MCAT: variants seen among roughly 807,000 people sequenced by gnomAD.
The protein encoded by MCAT is malonyl-CoA-acyl carrier protein transacylase.
A neutral mutation model predicts 22.9 loss-of-function variants in MCAT; 22 were observed. The observed-to-expected ratio is 0.96, with a 90% CI of 0.69 to 1.37. MCAT has a LOEUF of 1.37. Among genes scored for constraint, MCAT ranks in the 40% most tolerant of loss-of-function variants. The pLI is 0.00. For missense variants in MCAT, 534 were observed against 533.6 expected, an observed-to-expected ratio of 1.00 and a Z score of -0.01; for synonymous variants, 240 against 233.9, an observed-to-expected ratio of 1.03 and a Z score of -0.24.
At chr22:43,133,546 G>C in intron 3 of MCAT, 60 bp from the exon 4 acceptor site, 2 of 1,396,614 alleles carry the variant, frequency 1.4e-6, no homozygotes, top group Non-Finnish European at 1.9e-6. Flanking sequence ...TTACAGATCT[G>C]ACCATTCACA....
At chr22:43,139,278 G>A (rs1221880894) in intron 2 of MCAT, among the ~76,000 whole-genome samples, 1 of 152,128 alleles carries the variant, frequency 6.6e-6, no homozygotes. Flanking sequence ...AGTAATCCCA[G>A]CACTGTAGGA....
chr22:43,132,730 C>T lies in MCAT; in HGVS notation c.*313G>A, dbSNP rs970158915. The T allele has an allele frequency of 1.4e-5, 5 of 361,080 alleles. No individual in the cohort carries two copies. Among genetic ancestry groups the T allele is most frequent in the Admixed American group, 4.2e-5 (1 of 24,038 alleles). 22.4% of individuals were successfully genotyped at this position (361,080 alleles called of 1,614,324 possible). A position where few individuals can be genotyped will look rare whatever the true frequency, so the allele number is the denominator to read the frequency against. ...CTGCAGCAGCCAGTCCTCCCCTTCC[C>T]GCTGAGATGGCACACCTGCCTATGG... On this transcript the variant is annotated 3_prime_UTR_variant, in exon 4 of 4. Coordinates refer to ENST00000290429, the MANE Select transcript of MCAT (RefSeq NM_173467.5).
intron 2 of MCAT, chr22:43,140,840 A>G (rs888940485): frequency 1.3e-5 from 3 of 237,916 alleles, no homozygotes; most frequent in Non-Finnish European, 2.5e-5. Flanking sequence ...TCCAATATTT[A>G]TTTACTCTTT....
rs375718901 is a variant in MCAT at position 43,143,018 on chromosome 22, G to A, written c.331C>T (p.Gln111Ter). ...TGCACGGTGCGGTCCAGGGTCTCCT[G>A]CGGCCCGTGCAGGCTCAGTTCCAGC... ...DLLELSLHGPQETLDRTVHCQ... is the reference protein window; with the variant it reads ...DLLELSLHGP Residue 111 changes from glutamine (Q) to a stop codon, truncating the protein, a stop_gained, in exon 1 of 4, where the codon CAG (glutamine) becomes TAG (stop). Coordinates refer to ENST00000290429, the MANE Select transcript of MCAT (RefSeq NM_173467.5). LOFTEE classifies it high-confidence loss of function. 7 of 1,609,298 alleles carry A rather than the reference G, an allele frequency of 4.3e-6. No individual in the cohort carries two copies. The African/African-American group carries it at 9.4e-5, about 22-fold the overall frequency.
intron 1 of MCAT, 27 bp downstream of exon 1, chr22:43,142,899 C>G (rs765966545): frequency 1.3e-6 from 2 of 1,486,714 alleles, no homozygotes; most frequent in Non-Finnish European, 1.8e-6. Flanking sequence ...CACCTTCCCC[C>G]TCCTGTCACG....
chr22:43,143,309 A>G lies in MCAT; in HGVS notation c.40T>C (p.Leu14=). 2 of 1,427,820 alleles carry G rather than the reference A, an allele frequency of 1.4e-6. No homozygotes were observed. The highest frequency in any genetic ancestry group is 1.8e-6 in the Non-Finnish European group (2 of 1,103,486). 88.4% of individuals were successfully genotyped at this position (1,427,820 alleles called of 1,614,324 possible). ...RVARVAWVRG[L]GASYRRGASS... ...GCGCCGCGGCGGTAGCTGGCGCCCA[A>G]GCCCCTGACCCACGCTACCCGTGCG... Residue 14 remains leucine (L), a synonymous_variant, in exon 1 of 4, where the codon TTG becomes CTG. Coordinates refer to ENST00000290429, the MANE Select transcript of MCAT (RefSeq NM_173467.5).
At position 43,137,167 on chromosome 22, in the gene MCAT, A is replaced by C. The variant is rs1239061062; in HGVS notation, c.643T>G (p.Cys215Gly). The C allele has an allele frequency of 6.2e-7, 1 of 1,614,168 alleles. No homozygotes were observed. Among genetic ancestry groups the C allele is most frequent in the South Asian group, 1.1e-5 (1 of 91,090 alleles). ...NFACLEAREH[C>G]KSLGIENPVC... ...GGGTTCTCTATGCCTAAAGACTTGC[A>C]GTGTTCCCGGGCTTCCAAACAGGCG... Residue 215 changes from cysteine (C) to glycine (G), a missense_variant, in exon 3 of 4, where the codon TGC (cysteine) becomes GGC (glycine). By Grantham distance (159) the Cys-to-Gly change is radical. Coordinates refer to ENST00000290429, the MANE Select transcript of MCAT (RefSeq NM_173467.5).
intron 3 of MCAT, among the ~76,000 whole-genome samples, chr22:43,135,059 AGCAGTCT>A (rs1383204270): frequency 2.6e-5 from 4 of 152,380 alleles, no homozygotes; most frequent in Non-Finnish European, 5.9e-5. Flanking sequence ...CACAGGGGCC[AGCAGTCT>A]CCTCTCCAAT....
intron 3 of MCAT, 43 bp downstream of exon 3, chr22:43,137,038 C>A (rs115709505): frequency 5.8e-6 from 9 of 1,547,800 alleles, no homozygotes; most frequent in Non-Finnish European, 8.0e-6. Flanking sequence ...TCCAACCCTC[C>A]GTACTGGACT....
rs918403585 is a variant in MCAT, at chr22:43,133,015, G to C, written c.*28C>G. 3.7e-6 allele frequency: 6 copies of C among 1,601,998 alleles called. No individual in the cohort carries two copies. The highest frequency in any genetic ancestry group is 5.1e-6 in the Non-Finnish European group (6 of 1,171,600). On this transcript the variant is annotated 3_prime_UTR_variant, in exon 4 of 4. Coordinates refer to ENST00000290429, the MANE Select transcript of MCAT (RefSeq NM_173467.5). ...ACAGCCTCTCCTCAGGAGGACAGAG[G>C]GGGTCATCGCATTTGAGCCCCCTGC...
intron 3 of MCAT, among the ~76,000 whole-genome samples, chr22:43,134,621 C>G (rs1930551789): frequency 6.6e-6 from 1 of 152,186 alleles, no homozygotes; most frequent in South Asian, 2.1e-4. Flanking sequence ...GAGACTGTTC[C>G]TGTTGCCTGA....
chr22:43,135,517 A>AC (rs1244610815), intron 3 of MCAT, among the ~76,000 whole-genome samples: 3 of 150,542 alleles, frequency 2.0e-5, no homozygotes, highest in African/African-American at 7.4e-5. Flanking sequence ...AAACAAAAAA[A>AC]AAAAAAAAAA....
chr22:43,137,629 GA>G (rs1930656096), intron 2 of MCAT, among the ~76,000 whole-genome samples: 3 of 152,194 alleles, frequency 2.0e-5, no homozygotes, highest in Non-Finnish European at 4.4e-5. Flanking sequence ...GAGTGCCACT[GA>G]CGTCTAGTGG....
At chr22:43,134,504 C>T (rs9612014) in intron 3 of MCAT, among the ~76,000 whole-genome samples, 6,098 of 152,238 alleles carry the variant, frequency 0.04, 167 homozygotes, top group Non-Finnish European at 0.063. Context: ...TGTACCACCA[C>T]GCCTGGCTAA....
At chr22:43,141,649 G>A (rs1470710996) in intron 1 of MCAT, among the ~76,000 whole-genome samples, 1 of 152,022 alleles carries the variant, frequency 6.6e-6, no homozygotes, top group African/African-American at 2.4e-5. Context: ...TCGGCTCACT[G>A]CAACGTCCGC....
intron 2 of MCAT, among the ~76,000 whole-genome samples, chr22:43,140,165 G>T (rs2147036734): frequency 6.6e-6 from 1 of 152,174 alleles, no homozygotes; most frequent in African/African-American, 2.4e-5. Context: ...AACCTCTCGT[G>T]TTTCTATACT....
rs1054338540 is a variant in MCAT at position 43,136,994 on chromosome 22, G to A, written c.729+87C>T. 53 of 1,179,344 alleles carry A rather than the reference G, an allele frequency of 4.5e-5. No homozygotes were observed. The African/African-American group carries it at 5.4e-4, about 12-fold the overall frequency. The allele number at this position is 1,179,344 out of a possible 1,614,324, so 73.1% of individuals were successfully genotyped here. ...AAAGACCGGGCTGGACCCAGCACCC[G>A]CCAGACTGCTAGGCCTCACGGGTGT... On this transcript the variant is annotated intron_variant, in intron 3 of 3. Coordinates refer to ENST00000290429, the MANE Select transcript of MCAT (RefSeq NM_173467.5).
At position 43,133,100 on chromosome 22, in the gene MCAT, C is replaced by A. The variant is rs758053729; in HGVS notation, c.1116G>T (p.Val372=). The change falls in exon 4 of 4, where the codon GTG becomes GTT. Residue 372 remains valine (V), a synonymous_variant. Coordinates refer to ENST00000290429, the MANE Select transcript of MCAT (RefSeq NM_173467.5). The part of the protein sequence containing the change: ...NMQAWKSYSA[V]DVLQTLEHVD... Reference sequence around the variant, plus strand: ...CATGTTCGAGGGTCTGCAGCACATCCACGGCGCTGTAGGACTTCCAGGCCT... The same window carrying A: ...CATGTTCGAGGGTCTGCAGCACATCAACGGCGCTGTAGGACTTCCAGGCCT... 1.2e-6 allele frequency: 2 copies of A among 1,614,094 alleles called. No homozygotes were observed. Among genetic ancestry groups the A allele is most frequent in the East Asian group, 4.5e-5 (2 of 44,884 alleles).
At position 43,132,325 on chromosome 22, in the gene MCAT, G is replaced by A. The variant is rs1181462525; in HGVS notation, c.*718C>T. The A allele has an allele frequency of 2.6e-5, 4 of 152,264 alleles. No homozygotes were observed. Among genetic ancestry groups the A allele is most frequent in the Non-Finnish European group, 2.9e-5 (2 of 68,122 alleles). 9.4% of individuals were successfully genotyped at this position (152,264 alleles called of 1,614,324 possible). A position where few individuals can be genotyped will look rare whatever the true frequency, so the allele number is the denominator to read the frequency against. On this transcript the variant is annotated 3_prime_UTR_variant, in exon 4 of 4. Coordinates refer to ENST00000290429, the MANE Select transcript of MCAT (RefSeq NM_173467.5). ...GCTCCCTCTGGCGCCCCGCAGACCC[G>A]CAGTCCCAGTGGGTGACCAGGGTGT...
Sources: gnomAD v4.1 joint callset for allele counts (sites outside exome capture counted in the v4.1 genomes callset) on GRCh38, gnomAD v4.1.1 for gene constraint, MANE v1.5 for transcripts, NCBI Gene and HGNC (gene_info 2026-07-23, HGNC 2026-07-21) for gene names.